AGBL4: variants seen among roughly 807,000 people sequenced by gnomAD.
AGBL4 encodes cytosolic carboxypeptidase 6.
Under a neutral mutation model 66.4 loss-of-function variants are expected in AGBL4, and 58 were observed. That is an observed-to-expected ratio of 0.87 (90% CI 0.71 to 1.09). The LOEUF (loss-of-function observed/expected upper bound fraction) is 1.09. Ranked by LOEUF, AGBL4 falls within the 50% of genes least tolerant of loss-of-function variation. AGBL4 has a pLI of 0.00. For synonymous variants in AGBL4, 234 were observed against 222.9 expected, an observed-to-expected ratio of 1.05 and a Z score of -0.44; for missense variants, 579 against 631.0, an observed-to-expected ratio of 0.92 and a Z score of 0.88.
intron 11 of AGBL4, among the ~76,000 whole-genome samples, chr1:48,580,011 A>C (rs1238865618): frequency 6.6e-6 from 1 of 152,066 alleles, no homozygotes; most frequent in Non-Finnish European, 1.5e-5. Flanking sequence ...TTCGACTGAG[A>C]TCTCAAGACT....
At chr1:49,461,423 T>G (rs1017135547) in intron 3 of AGBL4, among the ~76,000 whole-genome samples, 3 of 151,042 alleles carry the variant, frequency 2.0e-5, no homozygotes, top group African/African-American at 7.3e-5. Flanking sequence ...TTTCTCTAAG[T>G]GTCTCCTTGA....
chr1:48,971,463 A>G (rs908859773), intron 5 of AGBL4, among the ~76,000 whole-genome samples: 1 of 152,166 alleles, frequency 6.6e-6, no homozygotes, highest in African/African-American at 2.4e-5. Context: ...ACACATGATG[A>G]AATAGTATTG....
chr1:49,379,957 C>G (rs1375035195), intron 3 of AGBL4, among the ~76,000 whole-genome samples: 2 of 152,118 alleles, frequency 1.3e-5, no homozygotes, highest in African/African-American at 4.8e-5. Context: ...GGGATGCCCT[C>G]TCTCACCACT....
intron 3 of AGBL4, among the ~76,000 whole-genome samples, chr1:49,367,357 TCCTC>T (rs1644259059): frequency 6.6e-6 from 1 of 152,138 alleles, no homozygotes; most frequent in Non-Finnish European, 1.5e-5. Flanking sequence ...TCCTGGCACT[TCCTC>T]CCCTCTCTCT....
chr1:49,085,717 C>T (rs936690209), intron 4 of AGBL4, among the ~76,000 whole-genome samples: 2 of 152,032 alleles, frequency 1.3e-5, no homozygotes, highest in African/African-American at 4.8e-5. Context: ...AGTTATCCAA[C>T]AGAAGAAAGG....
intron 4 of AGBL4, among the ~76,000 whole-genome samples, chr1:49,115,742 T>G (rs995700569): frequency 8.5e-5 from 13 of 152,292 alleles, no homozygotes; most frequent in African/African-American, 2.9e-4. Context: ...CAACACGAAG[T>G]TAATTTCAAT....
intron 3 of AGBL4, among the ~76,000 whole-genome samples, chr1:49,674,198 C>A (rs762140906): frequency 6.6e-6 from 1 of 152,010 alleles, no homozygotes; most frequent in Non-Finnish European, 1.5e-5. Flanking sequence ...AATCTTAGAA[C>A]ACCACCAGCC....
intron 11 of AGBL4, 51 bp downstream of exon 11, chr1:48,586,953 A>G: frequency 1.9e-6 from 3 of 1,604,110 alleles, no homozygotes; most frequent in South Asian, 1.1e-5. Flanking sequence ...AGACTTGGAT[A>G]CTCTCGGCTG....
intron 2 of AGBL4, among the ~76,000 whole-genome samples, chr1:49,762,236 A>G (rs988810006): frequency 1.3e-5 from 2 of 152,020 alleles, no homozygotes; most frequent in Non-Finnish European, 2.9e-5. Context: ...CCTCACTAGC[A>G]CTTGTTTTGT....
chr1:49,312,610 A>G (rs1644961649), intron 3 of AGBL4, among the ~76,000 whole-genome samples: 1 of 152,070 alleles, frequency 6.6e-6, no homozygotes, highest in Non-Finnish European at 1.5e-5. Flanking sequence ...CAAAATATAC[A>G]ACATTTCTTA....
intron 5 of AGBL4, among the ~76,000 whole-genome samples, chr1:49,016,194 T>G (rs1220423292): frequency 6.6e-6 from 1 of 152,182 alleles, no homozygotes; most frequent in African/African-American, 2.4e-5. Flanking sequence ...CTCACAGCTC[T>G]GGAGTCATCA....
chr1:49,366,714 G>C (rs1266859090), intron 3 of AGBL4, among the ~76,000 whole-genome samples: 1 of 152,138 alleles, frequency 6.6e-6, no homozygotes, highest in Non-Finnish European at 1.5e-5. Context: ...TAGGAGTCTT[G>C]AAACATTAGA....
At chr1:49,738,520 A>G (rs770723326) in intron 2 of AGBL4, among the ~76,000 whole-genome samples, 9 of 152,208 alleles carry the variant, frequency 5.9e-5, no homozygotes, top group Non-Finnish European at 1.3e-4. Context: ...ACCTCTGCAG[A>G]CTTAAATGTC....
At chr1:49,441,185 T>C (rs1385941538) in intron 3 of AGBL4, among the ~76,000 whole-genome samples, 2 of 151,968 alleles carry the variant, frequency 1.3e-5, no homozygotes, top group East Asian at 1.9e-4. Flanking sequence ...CCATAAAGAG[T>C]TGTGCTACAC....
intron 6 of AGBL4, among the ~76,000 whole-genome samples, chr1:48,684,483 T>C (rs1255930959): frequency 6.6e-6 from 1 of 152,170 alleles, no homozygotes; most frequent in Non-Finnish European, 1.5e-5. Context: ...TCAACTAAGC[T>C]TTGCCTCAAT....
At chr1:49,650,275 A>T (rs1490985729) in intron 3 of AGBL4, among the ~76,000 whole-genome samples, 1 of 152,190 alleles carries the variant, frequency 6.6e-6, no homozygotes, top group Non-Finnish European at 1.5e-5. Flanking sequence ...GGGGGCACAG[A>T]AAAGGAAGGC....
chr1:49,370,224 T>C (rs1019799488), intron 3 of AGBL4, among the ~76,000 whole-genome samples: 1 of 150,510 alleles, frequency 6.6e-6, no homozygotes, highest in East Asian at 1.9e-4. Flanking sequence ...ATAATATATA[T>C]ATGCAGAGAG....
intron 5 of AGBL4, among the ~76,000 whole-genome samples, chr1:48,992,963 G>C (rs757204161): frequency 1.6e-4 from 24 of 152,092 alleles, no homozygotes; most frequent in Non-Finnish European, 3.2e-4. Context: ...GCTCCTGCTT[G>C]GTTCTCTACC....
At position 49,852,508 on chromosome 1, in the gene AGBL4, T is replaced by G. The variant is rs556642553; in HGVS notation, c.35-990A>C. Among the ~76,000 whole-genome samples, 4 of 152,244 alleles carry G rather than the reference T, an allele frequency of 2.6e-5. No individual in the cohort carries two copies. The South Asian group carries it at 8.3e-4, about 32-fold the overall frequency. ...GCAAGTAGGTAGACCAGAAAATGTT[T>G]TCCTCTGTGGTACAGGCCTAGAGAA... On this transcript the variant is annotated intron_variant, in intron 1 of 13. Coordinates refer to ENST00000371839, the MANE Select transcript of AGBL4 (RefSeq NM_032785.4).
Sources: gnomAD v4.1 joint callset for allele counts (sites outside exome capture counted in the v4.1 genomes callset) on GRCh38, gnomAD v4.1.1 for gene constraint, MANE v1.5 for transcripts, NCBI Gene and HGNC (gene_info 2026-07-23, HGNC 2026-07-21) for gene names.